The following IL2RB variants were observed in gnomAD, a reference collection of about 807,000 sequenced individuals.
The protein encoded by IL2RB is interleukin-2 receptor subunit beta.
Under a neutral mutation model 44.2 loss-of-function variants are expected in IL2RB, and 17 were observed. That is an observed-to-expected ratio of 0.38 (90% CI 0.26 to 0.58). The LOEUF is 0.58. Ranked by LOEUF, IL2RB falls within the 20% of genes least tolerant of loss-of-function variation. The pLI, the probability that IL2RB is intolerant of heterozygous loss-of-function variation, is 0.63. For synonymous variants in IL2RB, 286 were observed against 297.9 expected, an observed-to-expected ratio of 0.96 and a Z score of 0.41; for missense variants, 624 against 685.5, an observed-to-expected ratio of 0.91 and a Z score of 1.00.
Position 37,136,299 on chromosome 22 carries a change from T to C in IL2RB, c.632A>G (p.Lys211Arg). ...DTQYEFQVRV[K>R]PLQGEFTTWS... ...GGTCGTGAACTCGCCTTGCAGAGGC[T>C]TGACCCGCACCTGAAACTCATACTG... The change falls in exon 7 of 10, where the codon AAG becomes AGG. Residue 211 changes from lysine (K) to arginine (R), a missense_variant. Physicochemically the swap from Lys to Arg is conservative, Grantham distance 26 (BLOSUM62 2). This residue lies in a region of IL2RB where 255 missense variants were observed against 339.9 expected (regional missense o/e 0.75). Coordinates refer to ENST00000216223, the MANE Select transcript of IL2RB (RefSeq NM_000878.5). 6.2e-7 allele frequency: 1 copy of C among 1,613,192 alleles called. No individual in the cohort carries two copies. Among genetic ancestry groups the C allele is most frequent in the African/African-American group, 1.3e-5 (1 of 74,996 alleles).
chr22:37,156,683 C>T (rs989457601), intron 1 of IL2RB, among the ~76,000 whole-genome samples: 2 of 152,220 alleles, frequency 1.3e-5, no homozygotes, highest in Admixed American at 6.5e-5. Context: ...TTGGCTACGC[C>T]TGAGTCACAT....
At chr22:37,147,986 C>T (rs539530102) in intron 1 of IL2RB, among the ~76,000 whole-genome samples, 3 of 152,232 alleles carry the variant, frequency 2.0e-5, no homozygotes. Context: ...TGGGTGTCAC[C>T]CCAGGTCGGG....
At chr22:37,129,312 C>T (rs768183642) in intron 9 of IL2RB, among the ~76,000 whole-genome samples, 5 of 152,212 alleles carry the variant, frequency 3.3e-5, no homozygotes, top group South Asian at 2.1e-4. Context: ...TGCCCAGAGA[C>T]GGGACATGCC....
intron 7 of IL2RB, among the ~76,000 whole-genome samples, chr22:37,135,733 C>A (rs757358599): frequency 6.7e-6 from 1 of 149,606 alleles, no homozygotes; most frequent in Admixed American, 6.6e-5. Context: ...CTCCAGCTGG[C>A]TGCACCCCTC....
intron 1 of IL2RB, among the ~76,000 whole-genome samples, chr22:37,172,548 G>A (rs1222888141): frequency 6.6e-6 from 1 of 152,134 alleles, no homozygotes; most frequent in Non-Finnish European, 1.5e-5. Flanking sequence ...AGTGGCGAGG[G>A]GTCCCTGGAG....
intron 1 of IL2RB, among the ~76,000 whole-genome samples, chr22:37,158,079 C>T (rs544029390): frequency 6.6e-6 from 1 of 152,166 alleles, no homozygotes; most frequent in Non-Finnish European, 1.5e-5. Context: ...TGACACATGA[C>T]CCAGCAATTC....
chr22:37,170,125 G>A (rs1202483366), intron 1 of IL2RB, among the ~76,000 whole-genome samples: 1 of 150,146 alleles, frequency 6.7e-6, no homozygotes, highest in Non-Finnish European at 1.5e-5. Context: ...TGGATGGATG[G>A]ATGGATGAAG....
At chr22:37,143,906 T>G (rs1359149310) in intron 2 of IL2RB, among the ~76,000 whole-genome samples, 179 bp downstream of exon 2, 3 of 132,032 alleles carry the variant, frequency 2.3e-5, no homozygotes, top group African/African-American at 1.0e-4. Flanking sequence ...TGTGTGTGTG[T>G]GTGTGTGTGT....
Position 37,144,184 on chromosome 22 carries a change from G to A in IL2RB, c.-12C>T, listed in dbSNP as rs775284056. ...GCAGGGGCCGCCATTACATCCACAG[G>A]GTGGAGCCGAGGAAGGAAGCCCTGG... is the stretch of plus-strand genomic sequence containing the variant. On this transcript the variant is annotated 5_prime_UTR_variant, in exon 2 of 10. Transcript: ENST00000216223. 2.6e-6 allele frequency: 4 copies of A among 1,549,656 alleles called. No individual in the cohort carries two copies. In the South Asian group the frequency reaches 4.8e-5, roughly 18 times the overall value.
intron 5 of IL2RB, among the ~76,000 whole-genome samples, chr22:37,138,392 C>T (rs1267666577): frequency 6.6e-6 from 1 of 152,176 alleles, no homozygotes; most frequent in African/African-American, 2.4e-5. Flanking sequence ...CCGATTCTCC[C>T]CAAAACTCAG....
At chr22:37,159,241 T>C (rs1256154277) in intron 1 of IL2RB, among the ~76,000 whole-genome samples, 3 of 152,196 alleles carry the variant, frequency 2.0e-5, no homozygotes, top group African/African-American at 7.2e-5. Context: ...TTGCTTTTTT[T>C]TTTCTTAGTG....
At position 37,127,793 on chromosome 22, in the gene IL2RB, G is replaced by A. The variant is rs750963931; in HGVS notation, c.*303C>T. The A allele has an allele frequency of 6.3e-4, 167 of 263,954 alleles. 1 individual carries two copies. Among genetic ancestry groups the A allele is most frequent in the Admixed American group, 2.2e-4 (4 of 18,482 alleles). The allele number at this position is 263,954 out of a possible 1,614,324, so 16.4% of individuals were successfully genotyped here. A position where few individuals can be genotyped will look rare whatever the true frequency, so the allele number is the denominator to read the frequency against. On this transcript the variant is annotated 3_prime_UTR_variant, in exon 10 of 10. Transcript: ENST00000216223. ...ATTGGTGAATAGCTGCAGGGCTGGA[G>A]AGGAGCGATGCTTCTGAGCCTAAAT...
At chr22:37,164,103 G>A (rs1050783215) in intron 1 of IL2RB, among the ~76,000 whole-genome samples, 18 of 152,206 alleles carry the variant, frequency 1.2e-4, no homozygotes, top group African/African-American at 4.3e-4. Context: ...GTGAGGAGAG[G>A]CGGCCTGCAG....
chr22:37,174,249 T>C (rs1160000440), intron 1 of IL2RB, among the ~76,000 whole-genome samples: 1 of 152,188 alleles, frequency 6.6e-6, no homozygotes, highest in Non-Finnish European at 1.5e-5. Context: ...TTTGAGACTT[T>C]TTTCCATGAA....
upstream of IL2RB, among the ~76,000 whole-genome samples, chr22:37,153,294 GA>G (rs71803896): frequency 0.046 from 6,960 of 152,202 alleles, 523 homozygotes; most frequent in African/African-American, 0.16. Flanking sequence ...GCAAATGTGA[GA>G]AAAGTGGAAT....
At chr22:37,157,024 G>T (rs1922702590) in intron 1 of IL2RB, among the ~76,000 whole-genome samples, 1 of 152,104 alleles carries the variant, frequency 6.6e-6, no homozygotes, top group Admixed American at 6.5e-5. Flanking sequence ...CCAGTGACCT[G>T]GTTTTGAGTC....
chr22:37,152,929 C>CTTTTTTTTT (rs67046193), upstream of IL2RB, among the ~76,000 whole-genome samples: 4 of 86,986 alleles, frequency 4.6e-5, 1 homozygote, highest in Admixed American at 2.7e-4. Context: ...GCTGTGGCCT[C>CTTTTTTTTT]TTTTTTTTTT....
intron 1 of IL2RB, among the ~76,000 whole-genome samples, chr22:37,172,736 A>G (rs952763933): frequency 6.6e-6 from 1 of 152,184 alleles, no homozygotes; most frequent in Non-Finnish European, 1.5e-5. Flanking sequence ...TCCTGCCACC[A>G]TGACCCATTT....
At chr22:37,163,112 G>C (rs1051054282) in intron 1 of IL2RB, among the ~76,000 whole-genome samples, 5 of 152,172 alleles carry the variant, frequency 3.3e-5, no homozygotes, top group African/African-American at 1.2e-4. Flanking sequence ...CAGACCGCAG[G>C]AACAGGCTGT....
Sources: gnomAD v4.1 joint callset for allele counts (sites outside exome capture counted in the v4.1 genomes callset) on GRCh38, gnomAD v4.1.1 for gene constraint, gnomAD v4.1.1 regional missense constraint, MANE v1.5 for transcripts, NCBI Gene and HGNC (gene_info 2026-07-23, HGNC 2026-07-21) for gene names.